VCL: variants seen among roughly 807,000 people sequenced by gnomAD.
VCL encodes vinculin, also known as epididymis luminal protein 114.
VCL carries 47 observed loss-of-function variants against 125.7 expected under a neutral mutation model. The observed-to-expected ratio is 0.37, with a 90% CI of 0.30 to 0.48. The LOEUF (loss-of-function observed/expected upper bound fraction) is 0.48. VCL is among the 20% of genes least tolerant of loss of function. The probability of loss-of-function intolerance (pLI) is 0.99; values close to 1 mark genes in which losing one functional copy is unlikely to be tolerated. For synonymous variants in VCL, 458 were observed against 514.6 expected, an observed-to-expected ratio of 0.89 and a Z score of 1.49; for missense variants, 1,069 against 1,455.5, an observed-to-expected ratio of 0.73 and a Z score of 4.32.
chr10:74,036,041 T>C (rs535240055), intron 1 of VCL, among the ~76,000 whole-genome samples: 1 of 152,268 alleles, frequency 6.6e-6, no homozygotes, highest in East Asian at 1.9e-4. Flanking sequence ...GTTTTGGTAT[T>C]TGAAGGGGGT....
At chr10:74,095,569 G>A in intron 11 of VCL, 87 bp from the exon 12 acceptor site, 1 of 1,568,370 alleles carries the variant, frequency 6.4e-7, no homozygotes. Flanking sequence ...TTGGGTGATA[G>A]AGCAAGACGC....
At chr10:74,022,906 G>A (rs1328571239) in intron 1 of VCL, among the ~76,000 whole-genome samples, 1 of 152,092 alleles carries the variant, frequency 6.6e-6, no homozygotes, top group Admixed American at 6.6e-5. Context: ...CTCCCAAAGT[G>A]CTGGGATTAC....
intron 2 of VCL, among the ~76,000 whole-genome samples, chr10:74,043,481 G>T (rs960318260): frequency 1.3e-5 from 2 of 151,940 alleles, no homozygotes; most frequent in Non-Finnish European, 2.9e-5. Context: ...GGAATAGCTT[G>T]GATTATAGGC....
chr10:74,072,680 C>T (rs1165809440), intron 4 of VCL, 50 bp from the exon 5 acceptor site: 2 of 1,613,036 alleles, frequency 1.2e-6, no homozygotes, highest in African/African-American at 1.3e-5. Flanking sequence ...AAAGCCAGAC[C>T]CGGGATTGTT....
chr10:74,114,724 T>C, intron 20 of VCL, 71 bp from the exon 21 acceptor site: 1 of 1,472,058 alleles, frequency 6.8e-7, no homozygotes. Flanking sequence ...CAGAGGTAGG[T>C]AAGTCTTGCC....
chr10:74,039,268 C>T (rs765753146), intron 1 of VCL, among the ~76,000 whole-genome samples: 3 of 151,758 alleles, frequency 2.0e-5, no homozygotes, highest in African/African-American at 7.3e-5. Flanking sequence ...CCCACCCCAC[C>T]CAGTCCAAGA....
intron 9 of VCL, among the ~76,000 whole-genome samples, chr10:74,089,673 A>G (rs774391328): frequency 6.6e-5 from 10 of 152,196 alleles, no homozygotes; most frequent in Non-Finnish European, 1.2e-4. Context: ...GGGTCATTGT[A>G]ATGTTTAGGG....
chr10:74,071,128 T>C lies in VCL; in HGVS notation c.499+45T>C, dbSNP rs1455987188. ...TATAACATTTTTTAAGGATTGTCCA[T>C]GTTGGAGCCAAAGGAAAGGGTACCC... On this transcript the variant is annotated intron_variant, in intron 4 of 21. Transcript: ENST00000211998. This position sits in a 1 kb window ranked among gnomAD's most constrained non-coding sequence, Gnocchi z 4.1. 6 of 1,588,922 alleles carry C rather than the reference T, an allele frequency of 3.8e-6. No individual in the cohort carries two copies. The highest frequency in any genetic ancestry group is 2.7e-5 in the African/African-American group (2 of 74,434).
chr10:74,021,270 G>A lies in VCL; in HGVS notation c.169-21813G>A, dbSNP rs527760163. On this transcript the variant is annotated intron_variant, in intron 1 of 21. Coordinates refer to ENST00000211998, the MANE Select transcript of VCL (RefSeq NM_014000.3). ...TCATGAATTAGAACTAATTGTGTTC[G>A]TGTCTGTTTCCACCCCTCCTTTCTC... Among the ~76,000 whole-genome samples, 17 of 152,102 alleles carry A rather than the reference G, an allele frequency of 1.1e-4. No individual in the cohort carries two copies. In the South Asian group the frequency reaches 2.9e-3, roughly 26 times the overall value.
At chr10:74,001,767 T>A (rs1407326791) in intron 1 of VCL, among the ~76,000 whole-genome samples, 1 of 152,170 alleles carries the variant, frequency 6.6e-6, no homozygotes, top group Non-Finnish European at 1.5e-5. Context: ...CTTCTGGAAT[T>A]TATGTAATCT....
rs373789365 is a variant in VCL, at chr10:74,037,035, C to T, written c.169-6048C>T. On this transcript the variant is annotated intron_variant, in intron 1 of 21. Transcript: ENST00000211998. ...GCGCCATTCTCCTGCCTCAGCCTCC[C>T]GAGTAGCTGGGACTACAGGCGCCCG... Among the ~76,000 whole-genome samples the T allele has an allele frequency of 5.8e-3, 879 of 152,076 alleles. 6 individuals carry two copies. The highest frequency in any genetic ancestry group is 0.02 in the African/African-American group (831 of 41,500).
intron 1 of VCL, among the ~76,000 whole-genome samples, chr10:74,001,830 C>T (rs990726058): frequency 2.0e-5 from 3 of 152,028 alleles, no homozygotes; most frequent in African/African-American, 7.2e-5. Flanking sequence ...TATTCTAGTG[C>T]TTTTCTTTGG....
chr10:74,037,059 C>T lies in VCL; in HGVS notation c.169-6024C>T, dbSNP rs578240208. Among the ~76,000 whole-genome samples the T allele has an allele frequency of 2.8e-3, 419 of 152,012 alleles. 2 individuals carry two copies. The highest frequency in any genetic ancestry group is 6.8e-3 in the Middle Eastern group (2 of 294). On this transcript the variant is annotated intron_variant, in intron 1 of 21. Transcript: ENST00000211998. ...CCGAGTAGCTGGGACTACAGGCGCCCGCCACCACGCCCGGCTAATTTTTTG... is the reference window on the plus strand; with the variant it reads ...CCGAGTAGCTGGGACTACAGGCGCCTGCCACCACGCCCGGCTAATTTTTTG...
At position 74,105,149 on chromosome 10, in the gene VCL, A is replaced by G. The variant is rs1591713099; in HGVS notation, c.2230A>G (p.Ile744Val). 6.2e-7 allele frequency: 1 copy of G among 1,614,222 alleles called. No individual in the cohort carries two copies. Among genetic ancestry groups the G allele is most frequent in the Non-Finnish European group, 8.5e-7 (1 of 1,180,038 alleles). ...CAAGTGCAAGGTAGCTATGGCCAAC[A>G]TTCAGCCTCAGATGCTGGTTGCTGG... ...LDKCKVAMANIQPQMLVAGAT... is the reference protein window; with the variant it reads ...LDKCKVAMANVQPQMLVAGAT... The change falls in exon 16 of 22, where the codon ATT (isoleucine) becomes GTT (valine). Residue 744 changes from isoleucine (I) to valine (V), a missense_variant. Coordinates refer to ENST00000211998, the MANE Select transcript of VCL (RefSeq NM_014000.3).
chr10:74,077,921 T>C (rs1839617622), intron 6 of VCL, among the ~76,000 whole-genome samples: 1 of 152,204 alleles, frequency 6.6e-6, no homozygotes, highest in Admixed American at 6.5e-5. Context: ...AAGTAAAAAG[T>C]TTCCTTTTCT....
At chr10:74,048,464 CAAAA>C (rs369346650) in intron 2 of VCL, among the ~76,000 whole-genome samples, 3 of 119,208 alleles carry the variant, frequency 2.5e-5, no homozygotes. Context: ...AACTCTGTCT[CAAAA>C]AAAAAAAAAA....
intron 1 of VCL, among the ~76,000 whole-genome samples, chr10:74,036,995 C>G (rs927412731): frequency 6.6e-6 from 1 of 151,836 alleles, no homozygotes; most frequent in African/African-American, 2.4e-5. Flanking sequence ...ACTGCAAGCT[C>G]TGCCTCCCGG....
intron 2 of VCL, among the ~76,000 whole-genome samples, chr10:74,060,364 A>T (rs1209545755): frequency 6.6e-6 from 1 of 152,028 alleles, no homozygotes; most frequent in Admixed American, 6.6e-5. Flanking sequence ...CTTAAAAAGG[A>T]CTTGCAGGCA....
At chr10:74,101,929 A>G (rs1478536969) in intron 14 of VCL, among the ~76,000 whole-genome samples, 3 of 146,658 alleles carry the variant, frequency 2.0e-5, no homozygotes, top group Admixed American at 1.4e-4. Context: ...CCAATGGTGT[A>G]ATCTCAGCTC....
Sources: allele counts gnomAD v4.1 joint callset (sites outside exome capture counted in the v4.1 genomes callset), GRCh38; gene constraint gnomAD v4.1.1; non-coding constraint Gnocchi (gnomAD v3.1); transcripts MANE v1.5; gene names NCBI Gene and HGNC (gene_info 2026-07-23, HGNC 2026-07-21).